CAMK2D: variants seen among roughly 807,000 people sequenced by gnomAD.
CAMK2D encodes calcium/calmodulin dependent protein kinase II delta, also known as calcium/calmodulin-dependent protein kinase type II subunit delta.
CAMK2D carries 37 observed loss-of-function variants against 84.0 expected under a neutral mutation model. That is an observed-to-expected ratio of 0.44 (90% CI 0.34 to 0.58). The LOEUF (loss-of-function observed/expected upper bound fraction) is 0.58. Among genes scored for constraint, CAMK2D ranks in the 20% least tolerant of loss-of-function variants. The probability of loss-of-function intolerance (pLI) is 0.02; values close to 1 mark genes in which losing one functional copy is unlikely to be tolerated. For missense variants in CAMK2D, 448 were observed against 652.5 expected (o/e 0.69, Z 3.41); for synonymous variants, 202 against 212.5 (o/e 0.95, Z 0.43).
chr4:113,635,344 A>C (rs780476405), intron 3 of CAMK2D, among the ~76,000 whole-genome samples: 4 of 152,224 alleles, frequency 2.6e-5, no homozygotes, highest in Non-Finnish European at 4.4e-5. Context: ...AGCCAAGTTA[A>C]GGTCTTTTCA....
intron 2 of CAMK2D, among the ~76,000 whole-genome samples, chr4:113,687,140 A>G (rs1678139230): frequency 6.6e-6 from 1 of 152,180 alleles, no homozygotes; most frequent in Non-Finnish European, 1.5e-5. Context: ...AGTATGGAAA[A>G]TTATTAACCT....
At chr4:113,463,159 T>C (rs1011070344) in intron 17 of CAMK2D, among the ~76,000 whole-genome samples, 4 of 152,178 alleles carry the variant, frequency 2.6e-5, no homozygotes, top group African/African-American at 7.2e-5. Flanking sequence ...GCTCCTGATA[T>C]AGTTTGTCTT....
At chr4:113,522,963 A>C (rs2098381030) in intron 8 of CAMK2D, among the ~76,000 whole-genome samples, 1 of 152,172 alleles carries the variant, frequency 6.6e-6, no homozygotes, top group Non-Finnish European at 1.5e-5. Flanking sequence ...TATTTAGTCC[A>C]TGAGGATGGG....
intron 9 of CAMK2D, among the ~76,000 whole-genome samples, chr4:113,516,674 A>C (rs2098288372): frequency 6.6e-6 from 1 of 152,238 alleles, no homozygotes; most frequent in African/African-American, 2.4e-5. Flanking sequence ...GAGACATTAT[A>C]GAATATAATA....
chr4:113,733,774 A>T lies in CAMK2D; in HGVS notation c.160+25546T>A, dbSNP rs371427290. Reference sequence around the variant, plus strand: ...TAGCTTTTAAACTGTGAAATTACATAAATGGCAGTTTCTTCATGAGTAAAC... The same window carrying T: ...TAGCTTTTAAACTGTGAAATTACATTAATGGCAGTTTCTTCATGAGTAAAC... On this transcript the variant is annotated intron_variant, in intron 2 of 20. Coordinates refer to ENST00000511664, the MANE Select transcript of CAMK2D (RefSeq NM_001321571.2). Among the ~76,000 whole-genome samples the T allele has an allele frequency of 1.3e-4, 20 of 152,334 alleles. 1 individual carries two copies. The East Asian group carries it at 3.3e-3, about 25-fold the overall frequency.
chr4:113,494,231 T>C (rs1211295844), intron 16 of CAMK2D, among the ~76,000 whole-genome samples: 5 of 152,244 alleles, frequency 3.3e-5, no homozygotes, highest in Admixed American at 2.0e-4. Flanking sequence ...TTTTAGAGTT[T>C]CCAGTTTTTC....
chr4:113,703,923 C>T (rs1378975366), intron 2 of CAMK2D, among the ~76,000 whole-genome samples: 5 of 129,374 alleles, frequency 3.9e-5, no homozygotes, highest in Admixed American at 2.4e-4. Flanking sequence ...TTCTTATGAC[C>T]TTTTTTTTTT....
At chr4:113,731,722 A>G (rs2099569505) in intron 2 of CAMK2D, among the ~76,000 whole-genome samples, 1 of 151,204 alleles carries the variant, frequency 6.6e-6, no homozygotes, top group Admixed American at 6.6e-5. Flanking sequence ...AGTAGGTGGG[A>G]CTACAGGCGC....
chr4:113,517,710 T>C (rs914952970), intron 8 of CAMK2D, 53 bp from the exon 9 acceptor site: 1 of 826,168 alleles, frequency 1.2e-6, no homozygotes, highest in Non-Finnish European at 2.1e-6. Flanking sequence ...CAACAGTAAA[T>C]TAAATGTGGC....
Position 113,584,845 on chromosome 4 carries a change from C to T in CAMK2D, c.275+24307G>A, listed in dbSNP as rs559242461. 1.2e-4 allele frequency among the ~76,000 whole-genome samples: 18 copies of T among 152,142 alleles called. No individual in the cohort carries two copies. The South Asian group carries it at 2.7e-3, about 23-fold the overall frequency. ...CAAAAATAAAAGATATTAATGATGC[C>T]TATCTTTTATCTTAAGAAAAAAAAA... is the stretch of plus-strand genomic sequence containing the variant. On this transcript the variant is annotated intron_variant, in intron 4 of 20. Transcript: ENST00000511664.
chr4:113,577,609 T>C (rs1056460143), intron 4 of CAMK2D, among the ~76,000 whole-genome samples: 2 of 152,160 alleles, frequency 1.3e-5, no homozygotes, highest in East Asian at 1.9e-4. Context: ...TTCTCACACA[T>C]ACGATATACC....
intron 3 of CAMK2D, among the ~76,000 whole-genome samples, chr4:113,614,624 A>G (rs1173614962): frequency 2.0e-5 from 3 of 152,154 alleles, no homozygotes; most frequent in African/African-American, 7.2e-5. Context: ...GCTGAACGAA[A>G]CTGCATGAAT....
rs150786036 is a variant in CAMK2D, at chr4:113,494,896, C to T, written c.1135+5567G>A. 3.7e-3 allele frequency among the ~76,000 whole-genome samples: 566 copies of T among 152,290 alleles called. 4 individuals carry two copies. Among genetic ancestry groups the T allele is most frequent in the African/African-American group, 0.013 (539 of 41,566 alleles). On this transcript the variant is annotated intron_variant, in intron 16 of 20. Transcript: ENST00000511664. ...GCGCAGTATTCCGGTAGGAGTGACC[C>T]GATTTTCCAGGTCCCGTCTGTAACC...
chr4:113,602,133 C>T (rs1434333445), intron 4 of CAMK2D, among the ~76,000 whole-genome samples: 1 of 151,868 alleles, frequency 6.6e-6, no homozygotes, highest in Admixed American at 6.6e-5. Flanking sequence ...TCAGTGACTT[C>T]TAACTGGGCT....
At chr4:113,666,717 C>T (rs1010417446) in intron 2 of CAMK2D, among the ~76,000 whole-genome samples, 3 of 152,136 alleles carry the variant, frequency 2.0e-5, no homozygotes, top group African/African-American at 7.2e-5. Flanking sequence ...CAAAGAGAAT[C>T]CCACTCCCAA....
At chr4:113,624,334 T>C (rs1047997363) in intron 3 of CAMK2D, among the ~76,000 whole-genome samples, 2 of 152,168 alleles carry the variant, frequency 1.3e-5, no homozygotes, top group African/African-American at 4.8e-5. Context: ...GCAAGCAAAC[T>C]TGAATCTTTT....
At chr4:113,752,092 G>C (rs1170813962) in intron 2 of CAMK2D, among the ~76,000 whole-genome samples, 1 of 151,786 alleles carries the variant, frequency 6.6e-6, no homozygotes, top group Non-Finnish European at 1.5e-5. Context: ...AAAAAGTTAG[G>C]GATGGTGATT....
At chr4:113,650,163 T>C (rs2154300929) in intron 3 of CAMK2D, among the ~76,000 whole-genome samples, 1 of 152,242 alleles carries the variant, frequency 6.6e-6, no homozygotes, top group East Asian at 1.9e-4. Flanking sequence ...TTTCCCCAGA[T>C]TAATATAATT....
At chr4:113,502,641 A>T (rs1207099659) in intron 15 of CAMK2D, among the ~76,000 whole-genome samples, 1 of 152,120 alleles carries the variant, frequency 6.6e-6, no homozygotes, top group Non-Finnish European at 1.5e-5. Context: ...TGGGGAAAAA[A>T]ATGACCAGAT....
Sources: gnomAD v4.1 joint callset for allele counts (sites outside exome capture counted in the v4.1 genomes callset) on GRCh38, gnomAD v4.1.1 for gene constraint, MANE v1.5 for transcripts, NCBI Gene and HGNC (gene_info 2026-07-23, HGNC 2026-07-21) for gene names.